SLC25A30: variants seen among roughly 807,000 people sequenced by gnomAD.
SLC25A30 encodes the protein kidney mitochondrial carrier protein 1.
In SLC25A30, 29 loss-of-function variants were observed where a neutral mutation model predicts 42.7. The ratio of observed to expected loss-of-function variants is 0.68; its 90% CI spans 0.51 to 0.93. The LOEUF (loss-of-function observed/expected upper bound fraction) is 0.93. SLC25A30 is among the 40% of genes least tolerant of loss of function. SLC25A30 has a pLI of 0.00. For synonymous variants in SLC25A30, 124 were observed against 131.0 expected (o/e 0.95, Z 0.37); for missense variants, 300 against 359.7 (o/e 0.83, Z 1.34).
chr13:45,419,902 C>T (rs528402738), upstream of SLC25A30, among the ~76,000 whole-genome samples: 1 of 151,548 alleles, frequency 6.6e-6, no homozygotes, highest in Admixed American at 6.6e-5. Flanking sequence ...TGCACTCTAG[C>T]TGCTGCACTC....
chr13:45,429,038 G>C, the SLC25A30 span, among the ~76,000 whole-genome samples: 1 of 137,594 alleles, frequency 7.3e-6, no homozygotes, highest in Non-Finnish European at 1.5e-5. Flanking sequence ...GAATTGAAAA[G>C]TTACATATGT....
At chr13:45,423,551 C>T in the SLC25A30 span, among the ~76,000 whole-genome samples, 14,741 of 51,082 alleles carry the variant, frequency 0.29, 1,650 homozygotes, top group African/African-American at 0.4. Flanking sequence ...TATATAAATA[C>T]ATAAAAAAAA....
chr13:45,431,061 G>GTTTTTA, the SLC25A30 span, among the ~76,000 whole-genome samples: 1 of 151,824 alleles, frequency 6.6e-6, no homozygotes. Context: ...TTTTGTTTTT[G>GTTTTTA]TTTGAGATGG....
At chr13:45,405,007 C>T (rs1002787673) in intron 4 of SLC25A30, among the ~76,000 whole-genome samples, 5 of 152,220 alleles carry the variant, frequency 3.3e-5, no homozygotes, top group South Asian at 2.1e-4. Context: ...ACTGCAGCCT[C>T]GACCTCCTGG....
At position 45,395,695 on chromosome 13, in the gene SLC25A30, T is replaced by C; in HGVS notation, c.*279A>G. 7.5e-7 allele frequency: 1 copy of C among 1,329,084 alleles called. No homozygotes were observed. The highest frequency in any genetic ancestry group is 3.2e-5 in the East Asian group (1 of 31,706). The allele number at this position is 1,329,084 out of a possible 1,614,324, so 82.3% of individuals were successfully genotyped here. A position where few individuals can be genotyped will look rare whatever the true frequency, so the allele number is the denominator to read the frequency against. The stretch of plus-strand genomic sequence containing the variant: ...TCGCTCCTGATTTTCTTGCAAGTTT[T>C]CTTTAGCAAGAAACATGCATTTCAC... On this transcript the variant is annotated 3_prime_UTR_variant, in exon 10 of 10. Coordinates refer to ENST00000519676, the MANE Select transcript of SLC25A30 (RefSeq NM_001010875.4).
intron 3 of SLC25A30, 94 bp downstream of exon 3, chr13:45,408,833 A>C: frequency 1.7e-6 from 2 of 1,181,420 alleles, no homozygotes; most frequent in Non-Finnish European, 2.2e-6. Flanking sequence ...CACACCTCAA[A>C]CTTTTTACTT....
At chr13:45,410,181 C>T (rs574821106) in intron 2 of SLC25A30, among the ~76,000 whole-genome samples, 1 of 152,308 alleles carries the variant, frequency 6.6e-6, no homozygotes, top group African/African-American at 2.4e-5. Context: ...GATGTGGAAC[C>T]CAACCGATGA....
At chr13:45,425,454 G>A in the SLC25A30 span, among the ~76,000 whole-genome samples, 6 of 103,112 alleles carry the variant, frequency 5.8e-5, no homozygotes, top group African/African-American at 7.4e-5. Flanking sequence ...AAATATATAA[G>A]TGTATATATA....
chr13:45,421,120 T>C (rs1883881183), upstream of SLC25A30, among the ~76,000 whole-genome samples: 1 of 151,956 alleles, frequency 6.6e-6, no homozygotes, highest in Non-Finnish European at 1.5e-5. Context: ...GGCTCACGTC[T>C]ATAATCCCAA....
At chr13:45,424,481 G>A in the SLC25A30 span, among the ~76,000 whole-genome samples, 111 of 16,534 alleles carry the variant, frequency 6.7e-3, 1 homozygote, top group East Asian at 9.2e-3. Flanking sequence ...ATAAATATAT[G>A]TATATAAATA....
the SLC25A30 span, among the ~76,000 whole-genome samples, chr13:45,424,503 A>T: frequency 5.0e-5 from 2 of 40,304 alleles, no homozygotes; most frequent in Non-Finnish European, 1.0e-4. Flanking sequence ...ATAAATATAT[A>T]AAAATATATA....
chr13:45,406,072 T>A, intron 3 of SLC25A30, 95 bp from the exon 4 acceptor site: 1 of 1,094,512 alleles, frequency 9.1e-7, no homozygotes, highest in Non-Finnish European at 1.3e-6. Flanking sequence ...ATAATCAAAC[T>A]ACATTCTCTA....
intron 1 of SLC25A30, among the ~76,000 whole-genome samples, chr13:45,417,870 C>T (rs576931441): frequency 1.1e-4 from 17 of 152,362 alleles, no homozygotes; most frequent in South Asian, 4.1e-4. Flanking sequence ...GTGCCCTCTC[C>T]CACAGTGCGA....
chr13:45,427,628 GC>G, the SLC25A30 span, among the ~76,000 whole-genome samples: 1 of 152,142 alleles, frequency 6.6e-6, no homozygotes, highest in African/African-American at 2.4e-5. Context: ...TTTCCCCCAT[GC>G]ACATTAATAA....
At chr13:45,404,489 T>C in intron 4 of SLC25A30, 77 bp from the exon 5 acceptor site, 1 of 973,454 alleles carries the variant, frequency 1.0e-6, no homozygotes, top group Admixed American at 1.7e-5. Context: ...AGGTCTAACT[T>C]ATTTACACAT....
At chr13:45,407,699 T>G (rs1274642168) in intron 3 of SLC25A30, among the ~76,000 whole-genome samples, 1 of 152,216 alleles carries the variant, frequency 6.6e-6, no homozygotes, top group African/African-American at 2.4e-5. Context: ...GGTCCCACAC[T>G]GAACTACTTC....
At chr13:45,397,974 T>C (rs1180832879) in intron 8 of SLC25A30, 3 of 985,274 alleles carry the variant, frequency 3.0e-6, no homozygotes, top group African/African-American at 1.7e-5. Context: ...AAAGAAGCAA[T>C]AGTGGTAGAG....
chr13:45,409,134 T>C (rs1264563338), intron 2 of SLC25A30, 60 bp from the exon 3 acceptor site: 12 of 1,306,776 alleles, frequency 9.2e-6, no homozygotes, highest in African/African-American at 6.0e-5. Flanking sequence ...AAAGGATACG[T>C]AGTGATATAT....
At chr13:45,434,005 T>C in the SLC25A30 span, among the ~76,000 whole-genome samples, 4 of 152,284 alleles carry the variant, frequency 2.6e-5, no homozygotes, top group South Asian at 4.1e-4. Flanking sequence ...ATGCCTGTAA[T>C]CCCAGCACTT....
Sources: allele counts gnomAD v4.1 joint callset (sites outside exome capture counted in the v4.1 genomes callset), GRCh38; gene constraint gnomAD v4.1.1; transcripts MANE v1.5; gene names NCBI Gene and HGNC (gene_info 2026-07-23, HGNC 2026-07-21).